Variants in SNX29 observed in about 807,000 individuals in gnomAD.
The protein encoded by SNX29 is sorting nexin 29, also known as sorting nexin-29.
A neutral mutation model predicts 102.1 loss-of-function variants in SNX29; 78 were observed. That is an observed-to-expected ratio of 0.76 (90% confidence interval 0.64 to 0.92). The LOEUF (loss-of-function observed/expected upper bound fraction) is 0.92. Among genes scored for constraint, SNX29 ranks in the 40% least tolerant of loss-of-function variants. The pLI is 0.00. For synonymous variants in SNX29, 580 were observed against 414.5 expected, an observed-to-expected ratio of 1.40 and a Z score of -4.85; for missense variants, 1,280 against 1,061.7, an observed-to-expected ratio of 1.21 and a Z score of -2.86.
chr16:12,131,031 C>G (rs1186216203), intron 13 of SNX29, among the ~76,000 whole-genome samples: 1 of 152,082 alleles, frequency 6.6e-6, no homozygotes, highest in Admixed American at 6.5e-5. Context: ...AGTAGGATTG[C>G]TGGGTCAAAG....
intron 14 of SNX29, among the ~76,000 whole-genome samples, chr16:12,232,275 T>C (rs1284152341): frequency 6.6e-6 from 1 of 152,206 alleles, no homozygotes; most frequent in Non-Finnish European, 1.5e-5. Context: ...ACCTGTAATC[T>C]TTGAACTTTG....
intron 15 of SNX29, among the ~76,000 whole-genome samples, chr16:12,334,888 T>C (rs1349984151): frequency 8.1e-6 from 1 of 123,082 alleles, no homozygotes; most frequent in African/African-American, 2.9e-5. Context: ...CTTTAAGTTA[T>C]CAGCCCCAGA....
At chr16:12,018,302 G>T (rs1188871059) in intron 3 of SNX29, among the ~76,000 whole-genome samples, 1 of 151,986 alleles carries the variant, frequency 6.6e-6, no homozygotes, top group East Asian at 1.9e-4. Flanking sequence ...TTTTGGCTGG[G>T]CGTGGTGGTT....
intron 16 of SNX29, chr16:12,372,898 AC>A (rs1395689345): frequency 2.6e-5 from 4 of 152,166 alleles, no homozygotes; most frequent in African/African-American, 9.7e-5. Context: ...TTACACTCCT[AC>A]CTGCAGACAG....
intron 13 of SNX29, among the ~76,000 whole-genome samples, chr16:12,155,776 G>C (rs915956228): frequency 6.6e-6 from 1 of 152,170 alleles, no homozygotes; most frequent in African/African-American, 2.4e-5. Flanking sequence ...CAACCACCAT[G>C]GGTTCACTAA....
intron 5 of SNX29, 37 bp downstream of exon 5, chr16:12,043,114 C>T (rs758149335): frequency 1.2e-6 from 2 of 1,607,694 alleles, no homozygotes; most frequent in Non-Finnish European, 8.5e-7. Flanking sequence ...TGGGATGGAG[C>T]AAGAGGTGAA....
chr16:11,979,849 G>A (rs536106301), intron 1 of SNX29, among the ~76,000 whole-genome samples: 13 of 152,136 alleles, frequency 8.5e-5, no homozygotes, highest in Non-Finnish European at 1.5e-4. Context: ...CTGGCTTCAT[G>A]TGATCCACTT....
chr16:12,232,991 T>C (rs2077815702), intron 14 of SNX29, among the ~76,000 whole-genome samples: 1 of 152,238 alleles, frequency 6.6e-6, no homozygotes, highest in Admixed American at 6.5e-5. Flanking sequence ...CTTGGGAGAC[T>C]GAAACCCTGA....
Position 12,558,539 on chromosome 16 carries a change from A to C in SNX29, c.2319-9967A>C, listed in dbSNP as rs188740810. ...TTTACCCCAGGGATGCACACACCCC[A>C]CAGTGCCATGCCTCTCAGTACCCCG... On this transcript the variant is annotated intron_variant, in intron 20 of 20. Transcript: ENST00000566228. Among the ~76,000 whole-genome samples the C allele has an allele frequency of 3.3e-5, 5 of 152,326 alleles. No homozygotes were observed. In the East Asian group the frequency reaches 7.7e-4, roughly 23 times the overall value.
rs75286867 is a variant in SNX29 at position 12,094,247 on chromosome 16, A to G, written c.1402+15332A>G. On this transcript the variant is annotated intron_variant, in intron 11 of 20. Transcript: ENST00000566228. ...CACCTGAGCTATCGAAGGGTGTTAT[A>G]TGCTATGTAAATTATACCTTGATAA... Among the ~76,000 whole-genome samples the G allele has an allele frequency of 9.7e-3, 1,479 of 152,314 alleles. 25 individuals carry two copies. The highest frequency in any genetic ancestry group is 0.033 in the African/African-American group (1,381 of 41,564).
intron 18 of SNX29, among the ~76,000 whole-genome samples, chr16:12,462,481 C>G (rs144062364): frequency 6.6e-6 from 1 of 152,224 alleles, no homozygotes; most frequent in Non-Finnish European, 1.5e-5. Flanking sequence ...AGAAAGAAAT[C>G]TGGAAATCTT....
chr16:12,555,053 G>C (rs1278609260), intron 20 of SNX29, among the ~76,000 whole-genome samples: 2,178 of 151,896 alleles, frequency 0.014, 52 homozygotes, highest in African/African-American at 0.049. Flanking sequence ...AGCCTCAAGA[G>C]GCTGGTTGGA....
intron 19 of SNX29, among the ~76,000 whole-genome samples, chr16:12,519,949 A>G (rs1597713717): frequency 6.6e-6 from 1 of 152,114 alleles, no homozygotes; most frequent in Admixed American, 6.5e-5. Flanking sequence ...GCACCACTGC[A>G]CTCCAGCCTG....
chr16:12,045,604 G>A (rs1350884456), intron 5 of SNX29, among the ~76,000 whole-genome samples: 2 of 91,022 alleles, frequency 2.2e-5, no homozygotes, highest in African/African-American at 7.8e-5. Context: ...AACCTAGGCA[G>A]GCATTATATT....
At chr16:12,568,457 T>C in intron 20 of SNX29, 49 bp from the exon 21 acceptor site, 1 of 1,601,982 alleles carries the variant, frequency 6.2e-7, no homozygotes, top group Non-Finnish European at 8.5e-7. Flanking sequence ...CCTGTGGTCA[T>C]TTGCTTTTCA....
chr16:12,479,400 C>T (rs903284111), intron 19 of SNX29, among the ~76,000 whole-genome samples: 3 of 152,224 alleles, frequency 2.0e-5, no homozygotes, highest in South Asian at 4.1e-4. Flanking sequence ...ATTCCCAACC[C>T]TTACATTTAC....
intron 15 of SNX29, among the ~76,000 whole-genome samples, chr16:12,307,671 G>A (rs1490023684): frequency 2.6e-5 from 4 of 152,222 alleles, no homozygotes; most frequent in Non-Finnish European, 4.4e-5. Flanking sequence ...TGGATTTGCC[G>A]AAGCCTGGAA....
intron 11 of SNX29, among the ~76,000 whole-genome samples, chr16:12,099,594 C>G (rs1453340800): frequency 6.6e-6 from 1 of 152,160 alleles, no homozygotes; most frequent in African/African-American, 2.4e-5. Flanking sequence ...GGCCCGGACT[C>G]CCGGTGAGGG....
chr16:12,473,604 C>G (rs111853614), intron 18 of SNX29, among the ~76,000 whole-genome samples: 3 of 152,174 alleles, frequency 2.0e-5, no homozygotes, highest in Non-Finnish European at 4.4e-5. Context: ...CTGAGACCTA[C>G]TGGGCTGCAT....
Sources: gnomAD v4.1 joint callset for allele counts (sites outside exome capture counted in the v4.1 genomes callset) on GRCh38, gnomAD v4.1.1 for gene constraint, MANE v1.5 for transcripts, NCBI Gene and HGNC (gene_info 2026-07-23, HGNC 2026-07-21) for gene names.